The following LRP1B variants were observed in gnomAD, a reference collection of about 807,000 sequenced individuals.
The protein encoded by LRP1B is low-density lipoprotein receptor-related protein 1B.
LRP1B carries 217 observed loss-of-function variants against 556.6 expected under a neutral mutation model. That is an observed-to-expected ratio of 0.39 (90% CI 0.35 to 0.44). The LOEUF (loss-of-function observed/expected upper bound fraction) is 0.44, where lower values mean the gene tolerates loss of function less well. Ranked by LOEUF, LRP1B falls within the 20% of genes least tolerant of loss-of-function variation. The pLI is 1.00. For missense variants in LRP1B, 5,053 were observed against 5,620.8 expected (o/e 0.90, Z 3.23); for synonymous variants, 2,047 against 1,865.8 (o/e 1.10, Z -2.50).
In LRP1B at chr2:141,046,099, G is replaced by A. The variant is rs548463164; in HGVS notation, c.1789+2887C>T. Among the ~76,000 whole-genome samples, 193 of 152,158 alleles carry A rather than the reference G, an allele frequency of 1.3e-3. No individual in the cohort carries two copies. The South Asian group carries it at 0.017, about 13-fold the overall frequency. On this transcript the variant is annotated intron_variant, in intron 11 of 90. Coordinates refer to ENST00000389484, the MANE Select transcript of LRP1B (RefSeq NM_018557.3). ...AAAAAATCAAATAATGAATAAAGAT[G>A]GATTTTTTTGGAAATGTTGTTGTTT...
At chr2:140,328,918 TTA>T (rs1361274681) in intron 79 of LRP1B, among the ~76,000 whole-genome samples, 1 of 152,054 alleles carries the variant, frequency 6.6e-6, no homozygotes, top group Non-Finnish European at 1.5e-5. Context: ...ACTAGAGACA[TTA>T]TGTTGGCCAA....
intron 18 of LRP1B, among the ~76,000 whole-genome samples, chr2:140,952,162 A>C (rs929252545): frequency 6.6e-6 from 1 of 152,208 alleles, no homozygotes; most frequent in Non-Finnish European, 1.5e-5. Context: ...CTGAAAGCCT[A>C]GGAGAATTAT....
intron 63 of LRP1B, among the ~76,000 whole-genome samples, chr2:140,446,750 C>T (rs1475629503): frequency 6.6e-6 from 1 of 151,840 alleles, no homozygotes; most frequent in African/African-American, 2.4e-5. Context: ...GGGAAAGTTC[C>T]ATGACATTAG....
At chr2:141,010,362 A>G (rs1450481592) in intron 14 of LRP1B, among the ~76,000 whole-genome samples, 1 of 152,102 alleles carries the variant, frequency 6.6e-6, no homozygotes, top group Non-Finnish European at 1.5e-5. Context: ...ACATTTTACC[A>G]AAAGAAATCA....
In LRP1B at chr2:140,947,547, G is replaced by A. The variant is rs150309660; in HGVS notation, c.3136+2688C>T. On this transcript the variant is annotated intron_variant, in intron 20 of 90. Transcript: ENST00000389484. ...TCAAAGCGAATTTCTGCTTTACTTCGGCAATGGCTCACAAATTCTGCACGT... is the reference window on the plus strand; with the variant it reads ...TCAAAGCGAATTTCTGCTTTACTTCAGCAATGGCTCACAAATTCTGCACGT... Among the ~76,000 whole-genome samples, 729 of 152,240 alleles carry A rather than the reference G, an allele frequency of 4.8e-3. 3 individuals are homozygous for A. The highest frequency in any genetic ancestry group is 8.3e-3 in the Non-Finnish European group (568 of 68,026).
At chr2:141,673,545 C>T (rs1690756585) in intron 2 of LRP1B, among the ~76,000 whole-genome samples, 1 of 152,120 alleles carries the variant, frequency 6.6e-6, no homozygotes, top group Non-Finnish European at 1.5e-5. Flanking sequence ...TTAAAATGTG[C>T]TGTCCAAAGT....
intron 7 of LRP1B, among the ~76,000 whole-genome samples, chr2:141,174,546 G>A (rs867456055): frequency 6.6e-6 from 1 of 152,046 alleles, no homozygotes; most frequent in Non-Finnish European, 1.5e-5. Flanking sequence ...GAAGGTTCTT[G>A]CTTTCTCTTC....
intron 2 of LRP1B, among the ~76,000 whole-genome samples, chr2:141,554,785 G>T (rs939838378): frequency 6.6e-6 from 1 of 151,836 alleles, no homozygotes; most frequent in African/African-American, 2.4e-5. Flanking sequence ...AAAATTAGTG[G>T]TCTACATTAG....
At chr2:141,544,399 C>T (rs941876462) in intron 2 of LRP1B, among the ~76,000 whole-genome samples, 3,182 of 58,572 alleles carry the variant, frequency 0.054, 183 homozygotes, top group Non-Finnish European at 0.068. Context: ...TCCTCCTCCT[C>T]CTCCTCCTCC....
intron 2 of LRP1B, among the ~76,000 whole-genome samples, chr2:141,715,530 G>T (rs1240337609): frequency 6.6e-6 from 1 of 151,982 alleles, no homozygotes; most frequent in Non-Finnish European, 1.5e-5. Context: ...TAAGAAAACA[G>T]CCGGCCAGTT....
intron 2 of LRP1B, among the ~76,000 whole-genome samples, chr2:141,655,578 CA>C (rs764229655): frequency 8.6e-5 from 13 of 152,034 alleles, no homozygotes; most frequent in Non-Finnish European, 1.6e-4. Context: ...TATTATTTAT[CA>C]AGTACCATAA....
intron 1 of LRP1B, among the ~76,000 whole-genome samples, chr2:142,001,457 T>C (rs1702651152): frequency 1.3e-5 from 2 of 152,202 alleles, no homozygotes; most frequent in Non-Finnish European, 2.9e-5. Flanking sequence ...CTTTGCTTCA[T>C]AGTTCCTGCT....
intron 1 of LRP1B, among the ~76,000 whole-genome samples, chr2:142,000,142 G>T (rs975692649): frequency 2.6e-5 from 4 of 151,904 alleles, no homozygotes; most frequent in African/African-American, 9.7e-5. Context: ...TTAATTGAAG[G>T]CCTTAAGGAC....
chr2:142,063,221 A>T (rs1704985627), intron 1 of LRP1B, among the ~76,000 whole-genome samples: 1 of 151,628 alleles, frequency 6.6e-6, no homozygotes, highest in Non-Finnish European at 1.5e-5. Flanking sequence ...TTCAATATAA[A>T]ACTAATTTAG....
At chr2:140,644,789 A>C (rs1020391480) in intron 41 of LRP1B, among the ~76,000 whole-genome samples, 1 of 152,108 alleles carries the variant, frequency 6.6e-6, no homozygotes, top group Non-Finnish European at 1.5e-5. Flanking sequence ...GCTCTTTGCC[A>C]CAGTGAAATG....
At chr2:141,444,700 A>G (rs1337985306) in intron 3 of LRP1B, among the ~76,000 whole-genome samples, 1 of 152,122 alleles carries the variant, frequency 6.6e-6, no homozygotes, top group African/African-American at 2.4e-5. Context: ...AGTTTTTGTC[A>G]TTGGTTCTGT....
At chr2:140,367,136 G>A (rs542456093) in intron 71 of LRP1B, among the ~76,000 whole-genome samples, 1 of 151,774 alleles carries the variant, frequency 6.6e-6, no homozygotes, top group South Asian at 2.1e-4. Context: ...GCTCATGATT[G>A]TTATTATTTC....
At chr2:141,978,373 A>G (rs202029107) in intron 1 of LRP1B, among the ~76,000 whole-genome samples, 1 of 152,104 alleles carries the variant, frequency 6.6e-6, no homozygotes, top group African/African-American at 2.4e-5. Context: ...ATTTTGGGGT[A>G]GAAGAATATA....
intron 7 of LRP1B, among the ~76,000 whole-genome samples, chr2:141,128,807 CAAAATTGT>C (rs965001344): frequency 1.1e-4 from 16 of 151,972 alleles, no homozygotes; most frequent in Admixed American, 9.2e-4. Context: ...GATTGTTTAA[CAAAATTGT>C]AAACATTACA....
Sources: gnomAD v4.1 joint callset for allele counts (sites outside exome capture counted in the v4.1 genomes callset) on GRCh38, gnomAD v4.1.1 for gene constraint, MANE v1.5 for transcripts, NCBI Gene and HGNC (gene_info 2026-07-23, HGNC 2026-07-21) for gene names.